Variants in PLAC1 observed in about 807,000 individuals in gnomAD.
PLAC1 encodes placenta associated 1, also known as placenta-specific protein 1.
For missense variants in PLAC1, 136 were observed against 163.2 expected, an observed-to-expected ratio of 0.83 and a Z score of 0.91; for synonymous variants, 68 against 62.1, an observed-to-expected ratio of 1.09 and a Z score of -0.44.
At chrX:134,758,384 C>T (rs780168138) in intron 1 of PLAC1, among the ~76,000 whole-genome samples, 1 of 111,976 alleles carries the variant, frequency 8.9e-6, no homozygotes, top group Non-Finnish European at 1.9e-5. Context: ...CATCACATTA[C>T]CTGACTTCAA....
intron 2 of PLAC1, among the ~76,000 whole-genome samples, chrX:134,687,731 C>A (rs1189113239): frequency 1.0e-5 from 1 of 99,819 alleles, no homozygotes; most frequent in African/African-American, 3.7e-5. Flanking sequence ...ATCTACTTAA[C>A]CTCTTTAAAC....
intron 2 of PLAC1, among the ~76,000 whole-genome samples, chrX:134,601,384 T>A (rs1328608391): frequency 8.9e-6 from 1 of 112,060 alleles, no homozygotes; most frequent in Non-Finnish European, 1.9e-5. Context: ...AATTACTGGG[T>A]GAAAGGATAA....
At chrX:134,751,013 C>T (rs771498813) in intron 1 of PLAC1, among the ~76,000 whole-genome samples, 1 of 79,911 alleles carries the variant, frequency 1.3e-5, no homozygotes, top group East Asian at 3.5e-4. Context: ...GTCCCAGCTA[C>T]TCAGGAGGTT....
chrX:134,566,539 C>T lies in PLAC1; in HGVS notation c.144G>A (p.Val48=). 1 of 1,211,919 alleles carries T rather than the reference C, an allele frequency of 8.3e-7. No homozygotes were observed. The highest frequency in any genetic ancestry group is 1.7e-5 in the African/African-American group (1 of 57,853). The change falls in exon 3 of 3, where the codon GTG becomes GTA. Residue 48 remains valine (V), a synonymous_variant. Transcript: ENST00000359237. ...AGTGTAGTTCATGAAAGTGTACACA[C>T]ACATCGTTGTTTAGCATGAAGGGGT... The part of the protein sequence containing the change: ...TVHPFMLNND[V]CVHFHELHLG...
At chrX:134,623,356 C>G (rs746416580) in intron 1 of PLAC1, among the ~76,000 whole-genome samples, 52 of 112,300 alleles carry the variant, frequency 4.6e-4, no homozygotes, top group Non-Finnish European at 1.7e-4. Flanking sequence ...AACCTTTCAA[C>G]TCCTGGATCC....
At chrX:134,603,793 T>C (rs2078109864) in intron 1 of PLAC1, among the ~76,000 whole-genome samples, 1 of 111,755 alleles carries the variant, frequency 8.9e-6, no homozygotes, top group African/African-American at 3.3e-5. Context: ...GGTTTCTACA[T>C]CTGTATGATA....
intron 1 of PLAC1, among the ~76,000 whole-genome samples, chrX:134,626,637 T>C (rs1228937703): frequency 9.0e-6 from 1 of 111,644 alleles, no homozygotes; most frequent in Non-Finnish European, 1.9e-5. Flanking sequence ...GCCTGGTAGC[T>C]TTTTGGCCAG....
chrX:134,592,270 T>C (rs901453396), intron 2 of PLAC1, among the ~76,000 whole-genome samples: 6 of 112,283 alleles, frequency 5.3e-5, no homozygotes, highest in African/African-American at 1.9e-4. Context: ...GTTTTTATGT[T>C]TAACTCCATC....
At chrX:134,642,381 T>G (rs1299059817) in intron 1 of PLAC1, among the ~76,000 whole-genome samples, 1 of 111,987 alleles carries the variant, frequency 8.9e-6, no homozygotes, top group African/African-American at 3.2e-5. Context: ...GGTTGCTACC[T>G]CCAATAAAAT....
intron 2 of PLAC1, among the ~76,000 whole-genome samples, chrX:134,691,085 CTTCT>C (rs1311285908): frequency 1.2e-5 from 1 of 82,258 alleles, no homozygotes; most frequent in East Asian, 4.5e-4. Flanking sequence ...AAGACTTTAA[CTTCT>C]TTCTTTTGAG....
intron 2 of PLAC1, among the ~76,000 whole-genome samples, chrX:134,590,384 G>C (rs1313581322): frequency 9.0e-6 from 1 of 110,569 alleles, no homozygotes; most frequent in Non-Finnish European, 1.9e-5. Flanking sequence ...ATATCAAAAA[G>C]GGAACTAACA....
chrX:134,705,345 G>T (rs1169885299), intron 2 of PLAC1, among the ~76,000 whole-genome samples: 3 of 103,049 alleles, frequency 2.9e-5, no homozygotes, highest in East Asian at 6.0e-4. Context: ...TTGAACACAG[G>T]AGGCGGAGGT....
intron 1 of PLAC1, among the ~76,000 whole-genome samples, chrX:134,609,649 G>A (rs1333292564): frequency 1.8e-5 from 2 of 111,821 alleles, no homozygotes; most frequent in East Asian, 5.6e-4. Context: ...AGTTTTGGAA[G>A]CTGGAAAGTC....
intron 1 of PLAC1, among the ~76,000 whole-genome samples, chrX:134,753,883 C>G (rs772815822): frequency 2.7e-5 from 3 of 111,611 alleles, no homozygotes; most frequent in Non-Finnish European, 5.6e-5. Flanking sequence ...TCGGGAGTCT[C>G]AAACCATTCT....
At chrX:134,657,983 T>C (rs1159057327) in intron 1 of PLAC1, among the ~76,000 whole-genome samples, 2 of 111,730 alleles carry the variant, frequency 1.8e-5, no homozygotes, top group Non-Finnish European at 3.8e-5. Flanking sequence ...TGGGGAGTGG[T>C]GCATGTGTGA....
At chrX:134,650,990 T>C (rs951291027) in intron 1 of PLAC1, 23 of 241,303 alleles carry the variant, frequency 9.5e-5, no homozygotes, top group South Asian at 3.1e-4. Context: ...CTGAAGTTGG[T>C]GGTAGTCAGA....
In PLAC1 at chrX:134,602,119, G is replaced by T. The variant is rs997083826; in HGVS notation, c.-127C>A. ...TGTGGCTTTGTGCTCACTGGTGAAG[G>T]CAGCTGGAACAGAAAAAGCATGACA... On this transcript the variant is annotated 5_prime_UTR_variant, in exon 2 of 3. Transcript: ENST00000359237. 3 of 112,609 alleles carry T rather than the reference G, an allele frequency of 2.7e-5. No homozygotes were observed. The highest frequency in any genetic ancestry group is 9.7e-5 in the African/African-American group (3 of 30,865). 9.3% of individuals were successfully genotyped at this position (112,609 alleles called of 1,213,427 possible).
intron 2 of PLAC1, among the ~76,000 whole-genome samples, chrX:134,595,619 A>G (rs190320328): frequency 2.4e-4 from 16 of 66,316 alleles, no homozygotes; most frequent in South Asian, 9.2e-4. Flanking sequence ...TAATGTGTGT[A>G]TATATATATA....
At chrX:134,647,391 TGTGTGG>T (rs2078339065) in intron 1 of PLAC1, among the ~76,000 whole-genome samples, 3 of 105,438 alleles carry the variant, frequency 2.8e-5, no homozygotes. Flanking sequence ...TGGTCTTCTA[TGTGTGG>T]GCATGCATGC....
Sources: allele counts gnomAD v4.1 joint callset (sites outside exome capture counted in the v4.1 genomes callset), GRCh38; gene constraint gnomAD v4.1.1; transcripts MANE v1.5; gene names NCBI Gene and HGNC (gene_info 2026-07-23, HGNC 2026-07-21).